The following ROBO1 variants were observed in gnomAD, a reference collection of about 807,000 sequenced individuals.
The protein encoded by ROBO1 is roundabout homolog 1.
ROBO1 carries 149 observed loss-of-function variants against 195.9 expected under a neutral mutation model. That is an observed-to-expected ratio of 0.76 (90% CI 0.67 to 0.87). The LOEUF (loss-of-function observed/expected upper bound fraction) is 0.87. Among genes scored for constraint, ROBO1 ranks in the 40% least tolerant of loss-of-function variants. The pLI, the probability that ROBO1 is intolerant of heterozygous loss-of-function variation, is 0.00. For missense variants in ROBO1, 1,933 were observed against 2,068.3 expected (o/e 0.93, Z 1.27); for synonymous variants, 816 against 733.2 (o/e 1.11, Z -1.82).
At chr3:78,896,669 A>AC (rs1214607364) in intron 4 of ROBO1, among the ~76,000 whole-genome samples, 2 of 151,326 alleles carry the variant, frequency 1.3e-5, no homozygotes, top group Non-Finnish European at 3.0e-5. Context: ...AAAAAAAAAA[A>AC]AAAAAAAAAA....
chr3:78,650,001 A>G (rs1425439519), intron 19 of ROBO1, among the ~76,000 whole-genome samples: 1 of 152,128 alleles, frequency 6.6e-6, no homozygotes, highest in Non-Finnish European at 1.5e-5. Flanking sequence ...CTGACTGGCT[A>G]TTTGCAAAAC....
chr3:79,091,400 C>T (rs145963805), intron 3 of ROBO1, among the ~76,000 whole-genome samples: 2,333 of 152,064 alleles, frequency 0.015, 28 homozygotes, highest in South Asian at 0.033. Flanking sequence ...ATGATCTGTA[C>T]GTTAGTCTTG....
intron 10 of ROBO1, among the ~76,000 whole-genome samples, chr3:78,679,555 C>G (rs1190961180): frequency 1.3e-5 from 2 of 152,092 alleles, no homozygotes; most frequent in African/African-American, 4.8e-5. Flanking sequence ...AGAGCCAAAT[C>G]ATGAGTGAAC....
rs989811362 is a variant in ROBO1, at chr3:79,616,239, A to G, written c.-50-26278T>C. Among the ~76,000 whole-genome samples the G allele has an allele frequency of 7.2e-5, 11 of 152,166 alleles. No individual in the cohort carries two copies. The South Asian group carries it at 1.0e-3, about 14-fold the overall frequency. ...CATCCTGGCATCATACTGGTTGTGT[A>G]CCAGTTGTGGGCCATTAACATGCCA... On this transcript the variant is annotated intron_variant, in intron 1 of 30. Transcript: ENST00000464233.
At chr3:79,575,429 TATATATATAACAAATATATATAA>T (rs1943448027) in intron 2 of ROBO1, among the ~76,000 whole-genome samples, 1 of 120,282 alleles carries the variant, frequency 8.3e-6, no homozygotes, top group Non-Finnish European at 1.8e-5. Flanking sequence ...TATATATAAA[TATATATATAACAAATATATATAA>T]ATATATATAA....
At chr3:79,137,721 T>A (rs1027120409) in intron 2 of ROBO1, among the ~76,000 whole-genome samples, 3 of 152,054 alleles carry the variant, frequency 2.0e-5, no homozygotes, top group African/African-American at 7.2e-5. Flanking sequence ...TAGTAAACAG[T>A]GGATCTGAAA....
chr3:78,755,684 A>G (rs2082911643), intron 4 of ROBO1, among the ~76,000 whole-genome samples: 1 of 152,180 alleles, frequency 6.6e-6, no homozygotes, highest in African/African-American at 2.4e-5. Context: ...AATAACACCC[A>G]GGTTTCTAAT....
chr3:79,045,046 C>T (rs549448518), intron 3 of ROBO1, among the ~76,000 whole-genome samples: 1 of 151,944 alleles, frequency 6.6e-6, no homozygotes, highest in East Asian at 1.9e-4. Flanking sequence ...ATTGGGCTGT[C>T]AGCAAAGAAT....
intron 10 of ROBO1, among the ~76,000 whole-genome samples, chr3:78,684,076 A>G (rs1267499354): frequency 6.6e-6 from 1 of 152,120 alleles, no homozygotes; most frequent in East Asian, 1.9e-4. Context: ...AAGGCAAACC[A>G]AGATAACTGA....
intron 3 of ROBO1, among the ~76,000 whole-genome samples, chr3:79,117,211 A>AC (rs1285316566): frequency 6.7e-6 from 1 of 149,610 alleles, no homozygotes; most frequent in Non-Finnish European, 1.5e-5. Context: ...CTACTAAAAT[A>AC]AAAAAAAAAT....
chr3:78,974,514 T>G (rs746953245), intron 3 of ROBO1, among the ~76,000 whole-genome samples: 1 of 152,036 alleles, frequency 6.6e-6, no homozygotes, highest in African/African-American at 2.4e-5. Context: ...AAACTCAATA[T>G]ACGAAAAAAA....
At chr3:79,074,493 A>T (rs1472614805) in intron 3 of ROBO1, among the ~76,000 whole-genome samples, 3 of 151,774 alleles carry the variant, frequency 2.0e-5, no homozygotes, top group Non-Finnish European at 4.4e-5. Context: ...ATCATAGCTC[A>T]CTGTAGCCTT....
chr3:78,688,656 C>T lies in ROBO1; in HGVS notation c.1162G>A (p.Gly388Arg). Reference protein sequence around the residue: ...PQPAIFWRREGSQNLLFSYQP... With the variant: ...PQPAIFWRRERSQNLLFSYQP... The stretch of plus-strand genomic sequence containing the variant: ...TTAGAAAAAGGTGGTACCTGACTCC[C>T]TTCTCTCCTCCAGAAAATAGCTGGT... The change falls in exon 9 of 31, where the codon GGG (glycine) becomes AGG (arginine). Residue 388 changes from glycine to arginine, a missense_variant. By Grantham distance (125) the Gly-to-Arg change is moderately radical. This residue lies in a region of ROBO1 where 1,737 missense variants were observed against 1,882.5 expected (regional missense o/e 0.92). Coordinates refer to ENST00000464233, the MANE Select transcript of ROBO1 (RefSeq NM_002941.4). 1.2e-6 allele frequency: 2 copies of T among 1,600,524 alleles called. No homozygotes were observed. Among genetic ancestry groups the T allele is most frequent in the Admixed American group, 1.7e-5 (1 of 58,466 alleles).
chr3:79,438,296 G>A (rs962947174), intron 2 of ROBO1, among the ~76,000 whole-genome samples: 3 of 151,832 alleles, frequency 2.0e-5, no homozygotes, highest in African/African-American at 7.2e-5. Context: ...TGTTGATACT[G>A]CCAACCAAAA....
intron 2 of ROBO1, among the ~76,000 whole-genome samples, chr3:79,401,618 T>C (rs941283677): frequency 6.6e-6 from 1 of 151,756 alleles, no homozygotes; most frequent in Non-Finnish European, 1.5e-5. Context: ...CTACTGAACA[T>C]CCAATATGTA....
intron 2 of ROBO1, among the ~76,000 whole-genome samples, chr3:79,554,778 T>A (rs1232676798): frequency 6.6e-6 from 1 of 152,130 alleles, no homozygotes; most frequent in Non-Finnish European, 1.5e-5. Context: ...TATGTGTTAA[T>A]CATCTTGGAG....
intron 3 of ROBO1, among the ~76,000 whole-genome samples, chr3:78,991,343 G>A (rs1320912458): frequency 6.6e-6 from 1 of 152,192 alleles, no homozygotes; most frequent in East Asian, 1.9e-4. Flanking sequence ...ATGTAGAAGT[G>A]TGTTGAAGTA....
chr3:78,921,973 G>A (rs1479275785), intron 4 of ROBO1, among the ~76,000 whole-genome samples: 1 of 151,978 alleles, frequency 6.6e-6, no homozygotes, highest in Non-Finnish European at 1.5e-5. Flanking sequence ...TTTTAGTAGA[G>A]ATGGGTTTTT....
intron 2 of ROBO1, among the ~76,000 whole-genome samples, chr3:79,456,311 A>G (rs2039617611): frequency 6.6e-6 from 1 of 152,304 alleles, no homozygotes; most frequent in Middle Eastern, 3.4e-3. Flanking sequence ...TTAGAGCAGT[A>G]TGTTCACCTA....
Sources: gnomAD v4.1 joint callset for allele counts (sites outside exome capture counted in the v4.1 genomes callset) on GRCh38, gnomAD v4.1.1 for gene constraint, gnomAD v4.1.1 regional missense constraint, MANE v1.5 for transcripts, NCBI Gene and HGNC (gene_info 2026-07-23, HGNC 2026-07-21) for gene names.